The following EPM2A variants were observed in gnomAD, a reference collection of about 807,000 sequenced individuals.
EPM2A encodes laforin.
EPM2A carries 21 observed loss-of-function variants against 26.5 expected under a neutral mutation model. The observed-to-expected ratio is 0.79, with a 90% CI of 0.56 to 1.14. The LOEUF (loss-of-function observed/expected upper bound fraction) is 1.14, where lower values mean the gene tolerates loss of function less well. Ranked by LOEUF, EPM2A falls within the 50% of genes most tolerant of loss-of-function variation. The pLI is 0.00. For synonymous variants in EPM2A, 217 were observed against 177.6 expected (o/e 1.22, Z -1.76); for missense variants, 458 against 440.8 (o/e 1.04, Z -0.35).
intron 2 of EPM2A, among the ~76,000 whole-genome samples, chr6:145,655,778 A>G (rs1383334271): frequency 1.3e-5 from 2 of 152,190 alleles, no homozygotes; most frequent in African/African-American, 4.8e-5. Flanking sequence ...AGGCGGAAAA[A>G]AAAGGGAACA....
intron 4 of EPM2A, among the ~76,000 whole-genome samples, chr6:145,454,156 T>C (rs4896809): frequency 0.65 from 98,725 of 152,090 alleles, 33,628 homozygotes; most frequent in East Asian, 0.85. Context: ...TAAGAAGATA[T>C]TCAGGTGCTC....
intron 4 of EPM2A, among the ~76,000 whole-genome samples, chr6:145,404,511 T>A (rs2114669660): frequency 6.6e-6 from 1 of 152,242 alleles, no homozygotes; most frequent in Admixed American, 6.5e-5. Flanking sequence ...AAATTGAAGC[T>A]CGCCCTTCAT....
At chr6:145,509,304 C>G (rs1780021089) in intron 2 of EPM2A, among the ~76,000 whole-genome samples, 1 of 151,766 alleles carries the variant, frequency 6.6e-6, no homozygotes, top group Non-Finnish European at 1.5e-5. Context: ...TATCCAAGGT[C>G]AATGCAAAAA....
intron 4 of EPM2A, among the ~76,000 whole-genome samples, chr6:145,397,170 C>T (rs1778416540): frequency 6.6e-6 from 1 of 152,120 alleles, no homozygotes; most frequent in African/African-American, 2.4e-5. Flanking sequence ...GTAGCTCAGG[C>T]CTGTAATCTC....
intron 4 of EPM2A, among the ~76,000 whole-genome samples, chr6:145,492,699 T>G (rs1341171194): frequency 6.6e-6 from 1 of 152,124 alleles, no homozygotes; most frequent in African/African-American, 2.4e-5. Context: ...GAGGACCGGA[T>G]TTTTCTCTGA....
chr6:145,439,687 T>C (rs1759117415), intron 4 of EPM2A, among the ~76,000 whole-genome samples: 1 of 152,208 alleles, frequency 6.6e-6, no homozygotes, highest in Non-Finnish European at 1.5e-5. Context: ...TGTATGTTTG[T>C]TTAAGTTCCT....
chr6:145,550,143 C>A (rs189269884), intron 2 of EPM2A, among the ~76,000 whole-genome samples: 1 of 152,178 alleles, frequency 6.6e-6, no homozygotes, highest in East Asian at 1.9e-4. Flanking sequence ...TTGGGAACAG[C>A]AAATGCAGGG....
intron 2 of EPM2A, among the ~76,000 whole-genome samples, chr6:145,605,605 C>T (rs1285318688): frequency 6.6e-6 from 1 of 152,078 alleles, no homozygotes; most frequent in African/African-American, 2.4e-5. Flanking sequence ...AGACCAACCT[C>T]ACTGTAATTT....
At chr6:145,490,035 CCA>C in intron 4 of EPM2A, 2 of 1,333,552 alleles carry the variant, frequency 1.5e-6, no homozygotes, top group South Asian at 1.4e-5. Flanking sequence ...TGTGCTGAAT[CCA>C]CAGTCACTTG....
chr6:145,478,234 C>G (rs1487688951), intron 4 of EPM2A, among the ~76,000 whole-genome samples: 1 of 151,670 alleles, frequency 6.6e-6, no homozygotes, highest in Non-Finnish European at 1.5e-5. Flanking sequence ...TGAATGATCT[C>G]TATAATAAAA....
At chr6:145,584,666 T>G (rs1208623468) in intron 2 of EPM2A, among the ~76,000 whole-genome samples, 1 of 151,972 alleles carries the variant, frequency 6.6e-6, no homozygotes, top group Non-Finnish European at 1.5e-5. Context: ...GTGGCAAGAG[T>G]GAACCACTCT....
intron 4 of EPM2A, among the ~76,000 whole-genome samples, chr6:145,488,015 C>G (rs1385499403): frequency 6.6e-6 from 1 of 152,074 alleles, no homozygotes; most frequent in Non-Finnish European, 1.5e-5. Flanking sequence ...GGAAGGGGTC[C>G]AGTTTTACTT....
intron 4 of EPM2A, among the ~76,000 whole-genome samples, chr6:145,449,036 T>C (rs951059420): frequency 4.6e-5 from 7 of 152,206 alleles, no homozygotes; most frequent in African/African-American, 1.4e-4. Flanking sequence ...TGATATTTTG[T>C]TTTATGTGAG....
chr6:145,490,173 C>G, intron 4 of EPM2A: 2 of 1,030,356 alleles, frequency 1.9e-6, no homozygotes, highest in Non-Finnish European at 2.9e-6. Context: ...TCTTCCATTA[C>G]TAGACGCTCT....
At chr6:145,557,844 C>T (rs927090134) in intron 2 of EPM2A, among the ~76,000 whole-genome samples, 2 of 151,998 alleles carry the variant, frequency 1.3e-5, no homozygotes, top group Non-Finnish European at 2.9e-5. Context: ...CTTGTTCCTC[C>T]TAACTAAAAT....
intron 2 of EPM2A, among the ~76,000 whole-genome samples, chr6:145,593,267 A>G (rs1222944068): frequency 6.6e-6 from 1 of 152,156 alleles, no homozygotes; most frequent in East Asian, 1.9e-4. Flanking sequence ...TTTAATTTGT[A>G]TGTACATAAC....
intron 4 of EPM2A, among the ~76,000 whole-genome samples, chr6:145,389,311 A>G (rs1264699599): frequency 6.6e-6 from 1 of 151,116 alleles, no homozygotes; most frequent in Non-Finnish European, 1.5e-5. Context: ...TGCCTCAGCC[A>G]CCTAAGTAGT....
chr6:145,542,482 T>A (rs981617544), intron 2 of EPM2A, among the ~76,000 whole-genome samples: 7 of 152,108 alleles, frequency 4.6e-5, no homozygotes, highest in African/African-American at 1.4e-4. Flanking sequence ...CATATGCAGG[T>A]GAAAATAGTA....
At chr6:145,571,730 C>T (rs963597415) in intron 2 of EPM2A, among the ~76,000 whole-genome samples, 6 of 152,188 alleles carry the variant, frequency 3.9e-5, no homozygotes. Flanking sequence ...GAGTGGAAGT[C>T]CACGTTGCTG....
Sources: gnomAD v4.1 joint callset for allele counts (sites outside exome capture counted in the v4.1 genomes callset) on GRCh38, gnomAD v4.1.1 for gene constraint, MANE v1.5 for transcripts, NCBI Gene and HGNC (gene_info 2026-07-23, HGNC 2026-07-21) for gene names.